The following TLN2 variants were observed in gnomAD, a reference collection of about 807,000 sequenced individuals.
The protein encoded by TLN2 is talin 2, also known as talin-2.
In TLN2, 118 loss-of-function variants were observed where a neutral mutation model predicts 294.7. That is an observed-to-expected ratio of 0.40 (90% CI 0.34 to 0.47). The LOEUF (loss-of-function observed/expected upper bound fraction) is 0.47. Ranked by LOEUF, TLN2 falls within the 20% of genes least tolerant of loss-of-function variation. TLN2 has a pLI of 0.84. For missense variants in TLN2, 3,083 were observed against 3,282.2 expected (o/e 0.94, Z 1.48); for synonymous variants, 1,431 against 1,304.5 (o/e 1.10, Z -2.09).
rs2059461749 is a variant in TLN2, at chr15:62,712,083, C to T, written c.2634+6C>T. The T allele has an allele frequency of 3.1e-6, 5 of 1,612,728 alleles. No homozygotes were observed. Among genetic ancestry groups the T allele is most frequent in the Non-Finnish European group, 3.4e-6 (4 of 1,178,992 alleles). ...GCATGGTGGAAGCTGCAAAGGTATT[C>T]TACTGGATTTGTTTGTATGAAAAGT... On this transcript the variant is annotated splice_donor_region_variant and intron_variant, in intron 22 of 58. Transcript: ENST00000636159.
chr15:62,545,439 A>G (rs1204785727), intron 1 of TLN2, among the ~76,000 whole-genome samples: 1 of 152,026 alleles, frequency 6.6e-6, no homozygotes, highest in African/African-American at 2.4e-5. Flanking sequence ...GCTAGGCAAC[A>G]TTTCCAGTGA....
intron 2 of TLN2, among the ~76,000 whole-genome samples, chr15:62,612,185 T>A (rs1360229133): frequency 6.6e-6 from 1 of 152,208 alleles, no homozygotes; most frequent in Non-Finnish European, 1.5e-5. Context: ...CGTCCTTCAC[T>A]CTACGATCCT....
intron 1 of TLN2, among the ~76,000 whole-genome samples, chr15:62,519,468 A>G (rs1282273050): frequency 6.6e-6 from 1 of 152,188 alleles, no homozygotes; most frequent in Non-Finnish European, 1.5e-5. Flanking sequence ...TTTCAATGTA[A>G]ATTATTGGCT....
At chr15:62,455,615 C>T (rs147713151) in intron 1 of TLN2, among the ~76,000 whole-genome samples, 1 of 152,282 alleles carries the variant, frequency 6.6e-6, no homozygotes, top group East Asian at 1.9e-4. Flanking sequence ...TGCCAGAGTG[C>T]CATTCTGGAA....
chr15:62,421,123 A>G (rs1443008400), intron 1 of TLN2, among the ~76,000 whole-genome samples: 1 of 152,194 alleles, frequency 6.6e-6, no homozygotes, highest in Non-Finnish European at 1.5e-5. Context: ...CTCTGTAACC[A>G]GTTATAGAGA....
chr15:62,713,929 A>ATATATATATATATATATATATATATGC (rs368958929), intron 22 of TLN2, among the ~76,000 whole-genome samples: 1 of 125,206 alleles, frequency 8.0e-6, no homozygotes. Flanking sequence ...GTGTGTGTGT[A>ATATATATATATATATATATATATATGC]TGTGTGTGTG....
intron 1 of TLN2, among the ~76,000 whole-genome samples, chr15:62,573,775 CTTTTTT>C (rs58692120): frequency 2.8e-5 from 4 of 145,110 alleles, no homozygotes; most frequent in Admixed American, 6.9e-5. Flanking sequence ...CTTCCTTTTT[CTTTTTT>C]TTTTTTTTAA....
At chr15:62,537,678 A>G (rs1355690217) in intron 1 of TLN2, among the ~76,000 whole-genome samples, 2 of 152,170 alleles carry the variant, frequency 1.3e-5, no homozygotes, top group Non-Finnish European at 2.9e-5. Flanking sequence ...AGTTAGGGTT[A>G]TCTGAGAGGT....
intron 2 of TLN2, among the ~76,000 whole-genome samples, chr15:62,606,471 T>G (rs1487656132): frequency 1.3e-5 from 2 of 152,184 alleles, no homozygotes; most frequent in East Asian, 3.9e-4. Flanking sequence ...GTAAAAAAGT[T>G]TAGCGATGAT....
chr15:62,752,191 G>C, intron 34 of TLN2, 114 bp from the exon 35 acceptor site: 1 of 1,368,714 alleles, frequency 7.3e-7, no homozygotes, highest in South Asian at 1.4e-5. Context: ...AGGAGAAAAT[G>C]TCAAATGTTC....
At chr15:62,761,956 A>G (rs1261678377) in intron 38 of TLN2, 135 bp downstream of exon 38, 1 of 1,208,516 alleles carries the variant, frequency 8.3e-7, no homozygotes, top group Non-Finnish European at 1.2e-6. Context: ...CAATGATGGC[A>G]TGTGCACAGT....
intron 11 of TLN2, among the ~76,000 whole-genome samples, chr15:62,677,031 G>T (rs2056288142): frequency 6.6e-6 from 1 of 152,200 alleles, no homozygotes; most frequent in Non-Finnish European, 1.5e-5. Context: ...TTCACAGATG[G>T]TGTTCCCAAC....
intron 2 of TLN2, among the ~76,000 whole-genome samples, chr15:62,602,648 C>T (rs963100904): frequency 6.6e-6 from 1 of 152,130 alleles, no homozygotes; most frequent in African/African-American, 2.4e-5. Flanking sequence ...GGTGCACTTG[C>T]TGGTTTACAG....
rs967237612 is a variant in TLN2, at chr15:62,647,287, A to C, written c.-24A>C. The C allele has an allele frequency of 8.7e-6, 14 of 1,612,508 alleles. No individual in the cohort carries two copies. Among genetic ancestry groups the C allele is most frequent in the Non-Finnish European group, 1.1e-5 (13 of 1,179,096 alleles). On this transcript the variant is annotated 5_prime_UTR_variant, in exon 4 of 59. The change abolishes the stop of an existing upstream ORF in the 5' untranslated region. Transcript: ENST00000636159. ...TTGTGTTTTCCAGACATTCTAAGTG[A>C]GACTGTCCACATCATCTAGGAAAAT... is the stretch of plus-strand genomic sequence containing the variant.
chr15:62,535,800 G>A (rs1007340626), intron 1 of TLN2, among the ~76,000 whole-genome samples: 3 of 152,046 alleles, frequency 2.0e-5, no homozygotes, highest in Admixed American at 1.3e-4. Flanking sequence ...TGATCTGCCC[G>A]CCTCAGCCTC....
chr15:62,430,934 C>A (rs199961733), intron 1 of TLN2, among the ~76,000 whole-genome samples: 80 of 143,594 alleles, frequency 5.6e-4, no homozygotes, highest in East Asian at 1.0e-3. Flanking sequence ...CAGGAAAAGC[C>A]AAAAAAAAAA....
In TLN2 at chr15:62,739,432, G is replaced by A. The variant is rs2061198524; in HGVS notation, c.3772G>A (p.Val1258Met). 1 of 1,614,080 alleles carries A rather than the reference G, an allele frequency of 6.2e-7. No homozygotes were observed. Among genetic ancestry groups the A allele is most frequent in the South Asian group, 1.1e-5 (1 of 91,086 alleles). The change falls in exon 31 of 59, where the codon GTG becomes ATG. Residue 1258 changes from valine (V) to methionine (M), a missense_variant. Transcript: ENST00000636159. ...TGATCTGAACCAGTCTGCTGGGGAA[G>A]TGGTCCATGCCACCCGGGGCCAGAG... ...AADLNQSAGE[V>M]VHATRGQSGE...
chr15:62,709,634 G>T (rs2059293658), intron 21 of TLN2, among the ~76,000 whole-genome samples: 1 of 152,150 alleles, frequency 6.6e-6, no homozygotes, highest in South Asian at 2.1e-4. Flanking sequence ...CTATTGAAAA[G>T]TAAGTCTCCC....
rs141960438 is a variant in TLN2, at chr15:62,749,667, A to G, written c.4120-735A>G. On this transcript the variant is annotated intron_variant, in intron 33 of 58. Transcript: ENST00000636159. Reference sequence around the variant, plus strand: ...ACTGTCTTTTTGTTGGCTGTGTCCCAAAGATTGCTGGGTCCTAATGTACAT... The same window carrying G: ...ACTGTCTTTTTGTTGGCTGTGTCCCGAAGATTGCTGGGTCCTAATGTACAT... Among the ~76,000 whole-genome samples the G allele has an allele frequency of 4.2e-3, 646 of 152,190 alleles. 4 individuals carry two copies. Among genetic ancestry groups the G allele is most frequent in the African/African-American group, 0.015 (622 of 41,512 alleles).
Sources: gnomAD v4.1 joint callset for allele counts (sites outside exome capture counted in the v4.1 genomes callset) on GRCh38, gnomAD v4.1.1 for gene constraint, MANE v1.5 for transcripts, NCBI Gene and HGNC (gene_info 2026-07-23, HGNC 2026-07-21) for gene names.